KDM6A: variants seen among roughly 807,000 people sequenced by gnomAD.
KDM6A encodes the protein lysine-specific demethylase 6A.
Under a neutral mutation model 117.6 loss-of-function variants are expected in KDM6A, and 11 were observed. The ratio of observed to expected loss-of-function variants is 0.09; its 90% CI spans 0.06 to 0.15. KDM6A has a LOEUF of 0.15. KDM6A is among the 10% of genes least tolerant of loss of function. KDM6A has a pLI of 1.00. For missense variants in KDM6A, 799 were observed against 1,077.3 expected (o/e 0.74, Z 3.62); for synonymous variants, 384 against 396.1 (o/e 0.97, Z 0.36).
At chrX:44,957,373 T>C (rs2038397742) in intron 2 of KDM6A, among the ~76,000 whole-genome samples, 1 of 112,062 alleles carries the variant, frequency 8.9e-6, no homozygotes, top group Admixed American at 9.5e-5. Context: ...AGCAAGGCAC[T>C]GACCAAGTTC....
chrX:45,003,792 CCTCTTTGT>C (rs2041279402), intron 4 of KDM6A, among the ~76,000 whole-genome samples: 3 of 106,163 alleles, frequency 2.8e-5, no homozygotes, highest in Non-Finnish European at 5.8e-5. Flanking sequence ...TCTTTGACTC[CCTCTTTGT>C]CTCTCTGTCT....
intron 4 of KDM6A, among the ~76,000 whole-genome samples, chrX:44,989,838 C>T (rs763824128): frequency 1.8e-5 from 2 of 111,886 alleles, no homozygotes; most frequent in African/African-American, 3.2e-5. Context: ...CCCACGTTCT[C>T]GGTCTAGAGC....
At chrX:44,957,178 A>G (rs2038385166) in intron 2 of KDM6A, among the ~76,000 whole-genome samples, 1 of 111,644 alleles carries the variant, frequency 9.0e-6, no homozygotes, top group Non-Finnish European at 1.9e-5. Context: ...AGGACTGCAT[A>G]TTTGTTTTTA....
At chrX:44,990,646 T>G (rs760125973) in intron 4 of KDM6A, among the ~76,000 whole-genome samples, 21 of 112,084 alleles carry the variant, frequency 1.9e-4, no homozygotes, top group African/African-American at 6.8e-4. Context: ...TTCTCGTGCT[T>G]CTTATAAATA....
At chrX:45,016,030 C>A (rs7052316) in intron 5 of KDM6A, among the ~76,000 whole-genome samples, 2 of 111,626 alleles carry the variant, frequency 1.8e-5, no homozygotes, top group African/African-American at 6.5e-5. Context: ...CTAATTTAGC[C>A]TCACATTTAA....
chrX:45,009,010 T>A (rs946734606), intron 4 of KDM6A, among the ~76,000 whole-genome samples: 24 of 112,055 alleles, frequency 2.1e-4, no homozygotes, highest in African/African-American at 7.1e-4. Context: ...ATGCACAATA[T>A]AATTTTAGGA....
At chrX:44,953,420 A>G (rs1384134248) in intron 2 of KDM6A, among the ~76,000 whole-genome samples, 2 of 112,125 alleles carry the variant, frequency 1.8e-5, no homozygotes, top group Non-Finnish European at 3.8e-5. Context: ...AATGTGCCTA[A>G]TTAAATTTAC....
intron 3 of KDM6A, among the ~76,000 whole-genome samples, chrX:44,963,926 T>C (rs936598632): frequency 6.4e-5 from 7 of 108,799 alleles, no homozygotes; most frequent in African/African-American, 2.3e-4. Context: ...ACCAAGTTGG[T>C]CAGGCTGGTC....
intron 25 of KDM6A, among the ~76,000 whole-genome samples, chrX:45,089,302 G>C (rs190083973): frequency 7.2e-5 from 8 of 110,796 alleles, no homozygotes; most frequent in African/African-American, 2.6e-4. Context: ...CGAAGCAGGC[G>C]GATCTCCTGA....
intron 2 of KDM6A, among the ~76,000 whole-genome samples, chrX:44,911,581 G>A (rs979137959): frequency 9.0e-6 from 1 of 111,229 alleles, no homozygotes; most frequent in African/African-American, 3.3e-5. Flanking sequence ...CATCCCAGAC[G>A]ATGGGCGGCC....
intron 2 of KDM6A, among the ~76,000 whole-genome samples, chrX:44,893,382 C>A (rs956064060): frequency 2.3e-4 from 26 of 111,003 alleles, no homozygotes; most frequent in Non-Finnish European, 4.3e-4. Context: ...ATCTCATTTT[C>A]TTTTGAGCAA....
In KDM6A at chrX:44,997,933, T is replaced by C. The variant is rs183166903; in HGVS notation, c.385-13028T>C. ...TATAAGGTTGTATTTTATTCACAGA[T>C]CTGCATGTTATTTGTCCTGACTGAA... On this transcript the variant is annotated intron_variant, in intron 4 of 29. Coordinates refer to ENST00000611820, the MANE Select transcript of KDM6A (RefSeq NM_001291415.2). Among the ~76,000 whole-genome samples the C allele has an allele frequency of 2.0e-3, 219 of 112,198 alleles. 1 individual carries two copies. Among genetic ancestry groups the C allele is most frequent in the Non-Finnish European group, 3.3e-3 (175 of 53,262 alleles).
At chrX:44,934,944 G>A (rs914202892) in intron 2 of KDM6A, among the ~76,000 whole-genome samples, 6 of 111,837 alleles carry the variant, frequency 5.4e-5, no homozygotes, top group Admixed American at 9.6e-5. Context: ...AACTGTTAAA[G>A]GGAAAGCAAG....
intron 8 of KDM6A, among the ~76,000 whole-genome samples, chrX:45,039,525 T>C (rs1243534321): frequency 1.1e-5 from 1 of 91,825 alleles, no homozygotes; most frequent in African/African-American, 4.4e-5. Flanking sequence ...TTTTTTTTTT[T>C]TTTTATTGAT....
chrX:44,984,805 G>T (rs1360017894), intron 4 of KDM6A, among the ~76,000 whole-genome samples: 3 of 111,655 alleles, frequency 2.7e-5, no homozygotes, highest in African/African-American at 9.8e-5. Flanking sequence ...TGCTGTTTTG[G>T]TTACTGTAGC....
chrX:44,880,456 T>TC (rs2032164683), intron 2 of KDM6A, among the ~76,000 whole-genome samples: 1 of 107,652 alleles, frequency 9.3e-6, no homozygotes, highest in Non-Finnish European at 1.9e-5. Context: ...GTACTGCTTT[T>TC]TTTTTTTTTT....
chrX:44,912,111 G>A (rs940863649), intron 2 of KDM6A, among the ~76,000 whole-genome samples: 3 of 109,813 alleles, frequency 2.7e-5, no homozygotes, highest in African/African-American at 1.0e-4. Flanking sequence ...TTTTTGAGAC[G>A]AAGCCTTGCT....
intron 6 of KDM6A, among the ~76,000 whole-genome samples, chrX:45,029,106 C>A (rs932743166): frequency 4.5e-5 from 5 of 111,672 alleles, no homozygotes; most frequent in Non-Finnish European, 9.4e-5. Context: ...TCAAAGGCAG[C>A]TTTATAAAGC....
rs1326516290 is a variant in KDM6A, at chrX:45,006,172, C to CT, written c.385-4789_385-4788insT. ...TCCCCCCCAGCCCTGCGCCCCCCCC[C>CT]GCCGCCATGTTGCCAAGAGCTTGGG... On this transcript the variant is annotated intron_variant, in intron 4 of 29. Coordinates refer to ENST00000611820, the MANE Select transcript of KDM6A (RefSeq NM_001291415.2). 1.0e-3 allele frequency among the ~76,000 whole-genome samples: 89 copies of CT among 89,052 alleles called. 1 individual carries two copies. The highest frequency in any genetic ancestry group is 3.4e-3 in the African/African-American group (82 of 23,985). 77.3% of individuals were successfully genotyped at this position (89,052 alleles called of 115,157 possible).
Sources: allele counts gnomAD v4.1 joint callset (sites outside exome capture counted in the v4.1 genomes callset), GRCh38; gene constraint gnomAD v4.1.1; transcripts MANE v1.5; gene names NCBI Gene and HGNC (gene_info 2026-07-23, HGNC 2026-07-21).